The following EFR3A variants were observed in gnomAD, a reference collection of about 807,000 sequenced individuals.
EFR3A encodes protein EFR3 homolog A.
A neutral mutation model predicts 104.4 loss-of-function variants in EFR3A; 76 were observed. The ratio of observed to expected loss-of-function variants is 0.73; its 90% CI spans 0.60 to 0.88. The LOEUF is 0.88. Ranked by LOEUF, EFR3A falls within the 40% of genes least tolerant of loss-of-function variation. EFR3A has a pLI of 0.00. For missense variants in EFR3A, 985 were observed against 1,012.5 expected, an observed-to-expected ratio of 0.97 and a Z score of 0.37; for synonymous variants, 330 against 330.0, an observed-to-expected ratio of 1.00 and a Z score of 0.00.
intron 8 of EFR3A, among the ~76,000 whole-genome samples, chr8:131,964,818 C>G (rs1819605260): frequency 6.6e-6 from 1 of 152,156 alleles, no homozygotes; most frequent in Admixed American, 6.5e-5. Context: ...TCAAATTGTA[C>G]TACAAGGCTA....
intron 2 of EFR3A, among the ~76,000 whole-genome samples, chr8:131,943,782 T>A (rs1203290630): frequency 1.3e-5 from 2 of 151,922 alleles, no homozygotes; most frequent in African/African-American, 4.8e-5. Flanking sequence ...CTGGTTAAGA[T>A]CTACTGGCCT....
Position 131,933,418 on chromosome 8 carries a change from T to A in EFR3A, c.11-7081T>A, listed in dbSNP as rs754736229. 4.6e-5 allele frequency among the ~76,000 whole-genome samples: 7 copies of A among 152,152 alleles called. No homozygotes were observed. In the East Asian group the frequency reaches 1.4e-3, roughly 29 times the overall value. Reference sequence around the variant, plus strand: ...TTGGTTTCTCTTTCATCCGTTGGGTTGTTTCCTATTTTGCAAACTAAGCCA... The same window carrying A: ...TTGGTTTCTCTTTCATCCGTTGGGTAGTTTCCTATTTTGCAAACTAAGCCA... On this transcript the variant is annotated intron_variant, in intron 1 of 22. Coordinates refer to ENST00000254624, the MANE Select transcript of EFR3A (RefSeq NM_015137.6).
At chr8:131,972,745 A>C (rs530884304) in intron 10 of EFR3A, among the ~76,000 whole-genome samples, 1 of 152,166 alleles carries the variant, frequency 6.6e-6, no homozygotes, top group East Asian at 1.9e-4. Flanking sequence ...GTTTCAATTA[A>C]TAGTAGAGTC....
chr8:131,989,081 AT>A (rs914121704), intron 18 of EFR3A, among the ~76,000 whole-genome samples: 1 of 152,166 alleles, frequency 6.6e-6, no homozygotes, highest in Non-Finnish European at 1.5e-5. Context: ...AATTCTGAAT[AT>A]TTTAGTGTCT....
chr8:131,965,654 A>G (rs904768558), intron 8 of EFR3A, among the ~76,000 whole-genome samples: 90 of 152,248 alleles, frequency 5.9e-4, no homozygotes, highest in Non-Finnish European at 1.0e-3. Context: ...GCAGTGTGGC[A>G]ATTCCTCAGG....
intron 8 of EFR3A, 115 bp from the exon 9 acceptor site, chr8:131,968,180 A>G (rs916139524): frequency 1.2e-5 from 11 of 933,718 alleles, no homozygotes; most frequent in South Asian, 1.2e-4. Context: ...GTCTCATAAC[A>G]TGACCACCAG....
intron 22 of EFR3A, among the ~76,000 whole-genome samples, chr8:132,009,417 G>C (rs1586690191): frequency 2.0e-5 from 3 of 152,046 alleles, no homozygotes; most frequent in African/African-American, 7.2e-5. Flanking sequence ...GAATCCACAT[G>C]CAAGAGCAGT....
chr8:131,932,372 A>G (rs1817652055), intron 1 of EFR3A, among the ~76,000 whole-genome samples: 1 of 152,170 alleles, frequency 6.6e-6, no homozygotes, highest in Admixed American at 6.6e-5. Flanking sequence ...AAGCATTGAT[A>G]TAACAAAAGC....
chr8:131,911,699 TA>T (rs1304314040), intron 1 of EFR3A, among the ~76,000 whole-genome samples: 2 of 152,236 alleles, frequency 1.3e-5, no homozygotes, highest in Non-Finnish European at 2.9e-5. Context: ...TGCCCATTTT[TA>T]TGCTTAGGTT....
intron 19 of EFR3A, among the ~76,000 whole-genome samples, chr8:132,001,344 T>C (rs1220496833): frequency 6.6e-6 from 1 of 152,238 alleles, no homozygotes; most frequent in Admixed American, 6.5e-5. Flanking sequence ...AGTTGTTTTT[T>C]ATCACATGGC....
At chr8:131,960,933 T>A (rs1229435883) in intron 8 of EFR3A, among the ~76,000 whole-genome samples, 1 of 152,188 alleles carries the variant, frequency 6.6e-6, no homozygotes, top group Non-Finnish European at 1.5e-5. Flanking sequence ...CCTCCGCTGC[T>A]GATACCCAGG....
chr8:131,946,431 G>A, intron 3 of EFR3A, 52 bp from the exon 4 acceptor site: 3 of 1,434,736 alleles, frequency 2.1e-6, no homozygotes, highest in Non-Finnish European at 2.8e-6. Flanking sequence ...AAGCACTTAG[G>A]AGAATTAAGA....
chr8:131,985,162 A>G (rs1281129510), intron 16 of EFR3A, 102 bp downstream of exon 16: 2 of 1,176,054 alleles, frequency 1.7e-6, no homozygotes, highest in South Asian at 1.6e-5. Context: ...GTATCAAATT[A>G]AGGTAATTCT....
At chr8:132,006,360 A>G (rs960745215) in intron 22 of EFR3A, among the ~76,000 whole-genome samples, 4 of 152,146 alleles carry the variant, frequency 2.6e-5, no homozygotes, top group Admixed American at 1.3e-4. Context: ...CAGATTACCA[A>G]TATTACAAAT....
intron 18 of EFR3A, among the ~76,000 whole-genome samples, chr8:131,994,920 G>C (rs1213731300): frequency 6.6e-6 from 1 of 152,144 alleles, no homozygotes; most frequent in African/African-American, 2.4e-5. Flanking sequence ...GAAGTCCTGG[G>C]ATGTGACCTG....
rs1822301899 is a variant in EFR3A at position 132,010,745 on chromosome 8, GCTTGTAAGTACA to G, written c.2361-43_2361-32del. 3.1e-6 allele frequency: 5 copies of G among 1,598,804 alleles called. No homozygotes were observed. The East Asian group carries it at 1.1e-4, about 36-fold the overall frequency. ...GATAGAATACTCGGTGAAATGAACA[GCTTGTAAGTACA>G]CCTGCTGACAATGTATTTTTGTTCT... On this transcript the variant is annotated intron_variant, in intron 22 of 22. Transcript: ENST00000254624.
At chr8:131,930,062 T>C (rs1210006301) in intron 1 of EFR3A, among the ~76,000 whole-genome samples, 5 of 152,094 alleles carry the variant, frequency 3.3e-5, no homozygotes, top group Non-Finnish European at 7.4e-5. Context: ...TCCATGGAGA[T>C]CATGTAAAGA....
intron 18 of EFR3A, among the ~76,000 whole-genome samples, chr8:131,992,831 A>G (rs973036318): frequency 6.6e-6 from 1 of 152,126 alleles, no homozygotes; most frequent in Non-Finnish European, 1.5e-5. Context: ...GTAAGATCTG[A>G]TGAGAGAGCC....
At chr8:131,977,296 A>G (rs1820372528) in intron 12 of EFR3A, among the ~76,000 whole-genome samples, 2 of 152,118 alleles carry the variant, frequency 1.3e-5, no homozygotes, top group Non-Finnish European at 2.9e-5. Flanking sequence ...GATCTTCATA[A>G]TGATGAAACA....
Sources: allele counts gnomAD v4.1 joint callset (sites outside exome capture counted in the v4.1 genomes callset), GRCh38; gene constraint gnomAD v4.1.1; transcripts MANE v1.5; gene names NCBI Gene and HGNC (gene_info 2026-07-23, HGNC 2026-07-21).